SOX5: variants seen among roughly 807,000 people sequenced by gnomAD.
The protein encoded by SOX5 is SRY-box transcription factor 5, also known as transcription factor SOX-5.
SOX5 carries 9 observed loss-of-function variants against 92.0 expected under a neutral mutation model. The observed-to-expected ratio is 0.10, with a 90% CI of 0.06 to 0.17. SOX5 has a LOEUF of 0.17. SOX5 is among the 10% of genes least tolerant of loss of function. The pLI, the probability that SOX5 is intolerant of heterozygous loss-of-function variation, is 1.00. For missense variants in SOX5, 642 were observed against 944.5 expected (o/e 0.68, Z 4.20); for synonymous variants, 344 against 336.3 (o/e 1.02, Z -0.25).
chr12:23,765,059 T>C (rs1275981557), intron 3 of SOX5, among the ~76,000 whole-genome samples: 1 of 152,080 alleles, frequency 6.6e-6, no homozygotes, highest in Admixed American at 6.6e-5. Flanking sequence ...ATTTTTATGT[T>C]CTAATACATA....
intron 6 of SOX5, among the ~76,000 whole-genome samples, chr12:23,703,634 A>G (rs1210078576): frequency 3.9e-5 from 6 of 151,946 alleles, no homozygotes; most frequent in Non-Finnish European, 8.8e-5. Flanking sequence ...AATTCAGTAC[A>G]TATTTGGACA....
At chr12:24,097,561 T>C (rs944127867) in intron 4 of SOX5, among the ~76,000 whole-genome samples, 4 of 151,880 alleles carry the variant, frequency 2.6e-5, no homozygotes, top group African/African-American at 7.3e-5. Flanking sequence ...TGGTGTAAGG[T>C]AAGGGTCATC....
At chr12:24,018,054 T>C (rs1183715576) in intron 4 of SOX5, among the ~76,000 whole-genome samples, 1 of 152,136 alleles carries the variant, frequency 6.6e-6, no homozygotes, top group Non-Finnish European at 1.5e-5. Flanking sequence ...CCTTAACCTA[T>C]ATACACATGC....
In SOX5 at chr12:23,861,883, A is replaced by G. The variant is rs1301557718; in HGVS notation, c.271-15690T>C. ...TCAAACGGGAAAAATAATTAAAAAG[A>G]TCCTATTGAACACCTACAGACCTTG... On this transcript the variant is annotated intron_variant, in intron 2 of 14. Transcript: ENST00000451604. Among the ~76,000 whole-genome samples the G allele has an allele frequency of 2.6e-5, 4 of 152,192 alleles. No individual in the cohort carries two copies. In the East Asian group the frequency reaches 7.7e-4, roughly 29 times the overall value.
intron 4 of SOX5, among the ~76,000 whole-genome samples, chr12:24,171,581 T>G (rs1250954544): frequency 1.3e-5 from 2 of 151,982 alleles, no homozygotes; most frequent in Non-Finnish European, 2.9e-5. Flanking sequence ...TATGAGGCAA[T>G]GGAGAAAAAC....
chr12:23,950,999 A>T (rs1945538099), upstream of SOX5: 2 of 771,584 alleles, frequency 2.6e-6, no homozygotes, highest in Non-Finnish European at 2.2e-6. Flanking sequence ...ACACACACAC[A>T]CACACTCACT....
At chr12:23,768,269 T>C (rs1324319981) in intron 3 of SOX5, among the ~76,000 whole-genome samples, 1 of 152,014 alleles carries the variant, frequency 6.6e-6, no homozygotes, top group African/African-American at 2.4e-5. Flanking sequence ...TTTTACAAAC[T>C]TGGAAATGGT....
At chr12:24,424,095 C>T (rs1596486607) in intron 1 of SOX5, among the ~76,000 whole-genome samples, 1 of 152,138 alleles carries the variant, frequency 6.6e-6, no homozygotes, top group Admixed American at 6.5e-5. Flanking sequence ...CCTGTGGCAG[C>T]TGAAAAATAT....
chr12:24,412,750 G>A (rs1964329862), intron 1 of SOX5, among the ~76,000 whole-genome samples: 1 of 150,272 alleles, frequency 6.7e-6, no homozygotes, highest in African/African-American at 2.4e-5. Flanking sequence ...GAATGTGTGT[G>A]CTGCTGCTGC....
At chr12:24,355,184 C>G (rs1595876382) in intron 2 of SOX5, among the ~76,000 whole-genome samples, 1 of 150,036 alleles carries the variant, frequency 6.7e-6, no homozygotes, top group Non-Finnish European at 1.5e-5. Context: ...GCAGTGGCAG[C>G]AATGCTTTGT....
intron 9 of SOX5, among the ~76,000 whole-genome samples, chr12:23,585,655 A>T (rs1437298002): frequency 6.6e-6 from 1 of 152,192 alleles, no homozygotes. Context: ...TTATTTAGGC[A>T]GTTAGTGAGG....
chr12:23,943,263 A>G (rs1943984628), intron 1 of SOX5, among the ~76,000 whole-genome samples: 3 of 152,028 alleles, frequency 2.0e-5, no homozygotes, highest in African/African-American at 7.2e-5. Context: ...TGAAGAGAAA[A>G]AAAAAAAATC....
intron 4 of SOX5, among the ~76,000 whole-genome samples, chr12:23,741,698 T>C (rs1289406912): frequency 6.6e-6 from 1 of 152,082 alleles, no homozygotes; most frequent in African/African-American, 2.4e-5. Context: ...TCTTCGAAAA[T>C]AAAATACAGT....
chr12:23,988,567 A>C (rs1341170211), intron 4 of SOX5, among the ~76,000 whole-genome samples: 2 of 152,234 alleles, frequency 1.3e-5, no homozygotes, highest in Non-Finnish European at 2.9e-5. Flanking sequence ...GGGCCAATTA[A>C]GGTAGAAAAC....
chr12:24,346,603 C>T (rs996180203), intron 2 of SOX5, among the ~76,000 whole-genome samples: 1 of 151,952 alleles, frequency 6.6e-6, no homozygotes, highest in African/African-American at 2.4e-5. Context: ...CAGGTGCGTG[C>T]CACCATGTCC....
At chr12:24,144,558 C>G (rs6487372) in intron 4 of SOX5, among the ~76,000 whole-genome samples, 87,566 of 152,018 alleles carry the variant, frequency 0.58, 25,550 homozygotes, top group Middle Eastern at 0.62. Flanking sequence ...CTAAACCCAG[C>G]AGTTTGGGAG....
chr12:23,842,095 A>AAGTTAGTT (rs2096525549), intron 3 of SOX5, among the ~76,000 whole-genome samples: 1 of 152,160 alleles, frequency 6.6e-6, no homozygotes, highest in African/African-American at 2.4e-5. Context: ...GTAAGTTAGT[A>AAGTTAGTT]AGTTACCTTA....
rs537910285 is a variant in SOX5 at position 24,143,334 on chromosome 12, A to G, written c.-2+70009T>C. On this transcript the variant is annotated intron_variant, in intron 4 of 4. Coordinates refer to the SOX5 transcript ENST00000446891. Reference sequence around the variant, plus strand: ...AAAAAATATTACCAGCTTTGTGAATAAGCAGGAAAATAAGACCTACAATTA... The same window carrying G: ...AAAAAATATTACCAGCTTTGTGAATGAGCAGGAAAATAAGACCTACAATTA... 2.6e-5 allele frequency among the ~76,000 whole-genome samples: 4 copies of G among 152,324 alleles called. No individual in the cohort carries two copies. The East Asian group carries it at 7.7e-4, about 29-fold the overall frequency.
chr12:23,930,621 T>C (rs556657332), intron 1 of SOX5, among the ~76,000 whole-genome samples: 2 of 151,806 alleles, frequency 1.3e-5, no homozygotes, highest in East Asian at 1.9e-4. Context: ...AAAAGGACAG[T>C]TCTTAGTTGT....
Sources: allele counts gnomAD v4.1 joint callset (sites outside exome capture counted in the v4.1 genomes callset), GRCh38; gene constraint gnomAD v4.1.1; transcripts MANE v1.5; gene names NCBI Gene and HGNC (gene_info 2026-07-23, HGNC 2026-07-21).